NLRC4: variants seen among roughly 807,000 people sequenced by gnomAD.
NLRC4 encodes the protein NLR family CARD domain-containing protein 4.
Under a neutral mutation model 79.9 loss-of-function variants are expected in NLRC4, and 63 were observed. The observed-to-expected ratio is 0.79, with a 90% CI of 0.64 to 0.97. The LOEUF (loss-of-function observed/expected upper bound fraction) is 0.97, where lower values mean the gene tolerates loss of function less well. Ranked by LOEUF, NLRC4 falls within the 50% of genes least tolerant of loss-of-function variation. The probability of loss-of-function intolerance (pLI) is 0.00; values close to 1 mark genes in which losing one functional copy is unlikely to be tolerated. For synonymous variants in NLRC4, 461 were observed against 456.5 expected (o/e 1.01, Z -0.12); for missense variants, 1,074 against 1,215.2 (o/e 0.88, Z 1.73).
In NLRC4 at chr2:32,250,405, A is replaced by G; in HGVS notation, c.1459T>C (p.Tyr487His). 1 of 1,614,192 alleles carries G rather than the reference A, an allele frequency of 6.2e-7. No homozygotes were observed. Among genetic ancestry groups the G allele is most frequent in the Non-Finnish European group, 8.5e-7 (1 of 1,180,022 alleles). Residue 487 changes from tyrosine to histidine, a missense_variant, in exon 4 of 9, where the codon TAT becomes CAT. By Grantham distance (83) the Tyr-to-His change is moderately conservative. Coordinates refer to ENST00000402280, the MANE Select transcript of NLRC4 (RefSeq NM_001199138.2). The surrounding 1 kb of genome is among the most constrained non-coding windows in gnomAD (Gnocchi z 4.9). ...CAGGTGTACCGGAGCAGGCTGCTAT[A>G]AGTGGATGTAATGTCCGAAATGGAA... is the stretch of plus-strand genomic sequence containing the variant. ...MVSISDITST[Y>H]SSLLRYTCGS...
At chr2:32,243,409 C>T (rs144964099) in intron 4 of NLRC4, among the ~76,000 whole-genome samples, 3 of 151,074 alleles carry the variant, frequency 2.0e-5, no homozygotes, top group East Asian at 2.0e-4. Flanking sequence ...GACCCCATCT[C>T]GAAAAGAAAG....
chr2:32,253,218 C>T (rs917459639), intron 2 of NLRC4, among the ~76,000 whole-genome samples: 5 of 151,668 alleles, frequency 3.3e-5, no homozygotes, highest in Non-Finnish European at 7.4e-5. Flanking sequence ...GACGCGATCT[C>T]GGCTCACTGC....
chr2:32,228,138 C>A (rs1382436193), intron 8 of NLRC4, among the ~76,000 whole-genome samples: 1 of 152,080 alleles, frequency 6.6e-6, no homozygotes, highest in African/African-American at 2.4e-5. Flanking sequence ...AATGGGCTTA[C>A]AAAATAGTGT....
intron 1 of NLRC4, among the ~76,000 whole-genome samples, chr2:32,262,264 T>G (rs1201112542): frequency 6.6e-6 from 1 of 152,064 alleles, no homozygotes; most frequent in Non-Finnish European, 1.5e-5. Flanking sequence ...GCGGCAACTG[T>G]AGATTCTTCT....
intron 4 of NLRC4, among the ~76,000 whole-genome samples, chr2:32,242,827 A>T (rs1686836362): frequency 6.6e-6 from 1 of 152,194 alleles, no homozygotes; most frequent in Non-Finnish European, 1.5e-5. Flanking sequence ...TAGGAGGATC[A>T]CTTGAGGCCA....
intron 3 of NLRC4, 76 bp from the exon 4 acceptor site, chr2:32,251,677 G>T (rs191752376): frequency 1.0e-5 from 10 of 955,144 alleles, no homozygotes; most frequent in East Asian, 4.8e-5. Context: ...GAGGATGAAC[G>T]GGGGGGTGAG....
At chr2:32,249,510 T>C in intron 4 of NLRC4, 97 bp downstream of exon 4, 1 of 1,050,348 alleles carries the variant, frequency 9.5e-7, no homozygotes, top group South Asian at 1.6e-5. Flanking sequence ...GCTGTAACCC[T>C]TTAGAAGAAA....
chr2:32,251,573 G>C lies in NLRC4; in HGVS notation c.291C>G (p.Asp97Glu). The change falls in exon 4 of 9, where the codon GAC becomes GAG. Residue 97 changes from aspartate (D) to glutamate (E), a missense_variant. Asp to Glu is a conservative substitution (Grantham distance 45). Transcript: ENST00000402280. ...TTAAATCCTGAGCCAAATCGTCCAA[G>C]TCTCCTTCTGATGTCTGATGAAAAA... Reference protein sequence around the residue: ...QSLFHQTSEGDLDDLAQDLKD... With the variant: ...QSLFHQTSEGELDDLAQDLKD... 1 of 1,606,238 alleles carries C rather than the reference G, an allele frequency of 6.2e-7. No individual in the cohort carries two copies. Among genetic ancestry groups the C allele is most frequent in the Non-Finnish European group, 8.5e-7 (1 of 1,176,286 alleles).
intron 1 of NLRC4, among the ~76,000 whole-genome samples, chr2:32,261,328 T>TTTTTTTTTTTTTTTTTTTTTTTC (rs1553348967): frequency 8.6e-6 from 1 of 116,490 alleles, no homozygotes; most frequent in African/African-American, 3.3e-5. Context: ...TTTGTTTTTT[T>TTTTTTTTTTTTTTTTTTTTTTTC]TTGAGATGGA....
chr2:32,261,554 C>A (rs1197964660), intron 1 of NLRC4, among the ~76,000 whole-genome samples: 1 of 149,102 alleles, frequency 6.7e-6, no homozygotes, highest in Non-Finnish European at 1.5e-5. Flanking sequence ...TTGTGATCTG[C>A]CTGCCTCGGC....
chr2:32,256,041 A>AAT (rs1262982772), intron 2 of NLRC4, among the ~76,000 whole-genome samples: 3 of 152,020 alleles, frequency 2.0e-5, no homozygotes, highest in Non-Finnish European at 4.4e-5. Context: ...TACAAAAAAA[A>AAT]ATATATATAT....
chr2:32,239,168 C>T (rs1573478685), intron 5 of NLRC4, among the ~76,000 whole-genome samples: 1 of 152,130 alleles, frequency 6.6e-6, no homozygotes, highest in Non-Finnish European at 1.5e-5. Flanking sequence ...GTAATCTCAG[C>T]TACTTCGGAG....
intron 4 of NLRC4, among the ~76,000 whole-genome samples, chr2:32,243,869 G>C (rs1465694994): frequency 6.6e-6 from 1 of 151,584 alleles, no homozygotes; most frequent in Non-Finnish European, 1.5e-5. Context: ...TGCTCAATAT[G>C]TGGAAATCAA....
chr2:32,253,171 A>ACGG (rs1320141044), intron 2 of NLRC4, among the ~76,000 whole-genome samples: 9 of 151,430 alleles, frequency 5.9e-5, no homozygotes, highest in African/African-American at 2.2e-4. Context: ...TTTTTCTGAG[A>ACGG]CGGAGTCTTG....
intron 1 of NLRC4, among the ~76,000 whole-genome samples, chr2:32,258,191 C>A (rs1024795621): frequency 4.6e-5 from 7 of 152,188 alleles, no homozygotes; most frequent in African/African-American, 7.2e-5. Flanking sequence ...CCGAGTCGTT[C>A]CTCTGGTGGA....
At chr2:32,246,461 A>G (rs1443686321) in intron 4 of NLRC4, among the ~76,000 whole-genome samples, 1 of 152,236 alleles carries the variant, frequency 6.6e-6, no homozygotes, top group Non-Finnish European at 1.5e-5. Flanking sequence ...TTAAAATGAT[A>G]GGAAATTTCT....
In NLRC4 at chr2:32,224,637, C is replaced by CA. The variant is rs754808528; in HGVS notation, c.2910dup (p.Asp971Ter). On this transcript the variant is annotated frameshift_variant, in exon 9 of 9. Coordinates refer to ENST00000402280, the MANE Select transcript of NLRC4 (RefSeq NM_001199138.2). LOFTEE classifies it high-confidence loss of function. ...GGTAGAAATTCTTTAGTACTAAAGT[C>CA]AAAAAACACTAATTGCTTAAGATTC... The CA allele has an allele frequency of 1.2e-6, 2 of 1,613,422 alleles. No homozygotes were observed. Among genetic ancestry groups the CA allele is most frequent in the Non-Finnish European group, 1.7e-6 (2 of 1,179,582 alleles).
intron 8 of NLRC4, 33 bp downstream of exon 8, chr2:32,235,368 C>G: frequency 6.5e-7 from 1 of 1,547,750 alleles, no homozygotes; most frequent in Middle Eastern, 1.7e-4. Flanking sequence ...AGGGCCAAAT[C>G]CAGTTATCTT....
upstream of NLRC4, chr2:32,264,890 G>C (rs1687432638): frequency 6.6e-6 from 1 of 152,038 alleles, no homozygotes; most frequent in Non-Finnish European, 1.5e-5. Context: ...TACAGAGAGG[G>C]GAACTGCTGA....
Sources: gnomAD v4.1 joint callset for allele counts (sites outside exome capture counted in the v4.1 genomes callset) on GRCh38, gnomAD v4.1.1 for gene constraint, Gnocchi (gnomAD v3.1) non-coding constraint, MANE v1.5 for transcripts, NCBI Gene and HGNC (gene_info 2026-07-23, HGNC 2026-07-21) for gene names.